KLHL6: variants seen among roughly 807,000 people sequenced by gnomAD.
KLHL6 encodes the protein kelch like family member 6.
In KLHL6, 41 loss-of-function variants were observed where a neutral mutation model predicts 58.6. The ratio of observed to expected loss-of-function variants is 0.70; its 90% CI spans 0.55 to 0.91. The LOEUF is 0.91. Among genes scored for constraint, KLHL6 ranks in the 40% least tolerant of loss-of-function variants. The pLI is 0.00. For synonymous variants in KLHL6, 338 were observed against 322.7 expected (o/e 1.05, Z -0.51); for missense variants, 714 against 805.6 (o/e 0.89, Z 1.38).
intron 3 of KLHL6, among the ~76,000 whole-genome samples, chr3:183,506,943 T>G (rs957555307): frequency 1.3e-5 from 2 of 152,102 alleles, no homozygotes; most frequent in African/African-American, 4.8e-5. Flanking sequence ...GTCAGCTAGA[T>G]GAAGAAGAGA....
intron 2 of KLHL6, among the ~76,000 whole-genome samples, chr3:183,518,980 G>C (rs1332031672): frequency 1.3e-5 from 2 of 152,174 alleles, no homozygotes; most frequent in African/African-American, 2.4e-5. Flanking sequence ...CAGAGTGAGG[G>C]GGATGCTAAA....
chr3:183,542,742 C>T (rs1712591890), intron 1 of KLHL6, among the ~76,000 whole-genome samples: 1 of 152,118 alleles, frequency 6.6e-6, no homozygotes. Flanking sequence ...TCTCTCTGTC[C>T]TAACTAGATG....
Position 183,490,006 on chromosome 3 carries a change from G to A in KLHL6, c.*1921C>T, listed in dbSNP as rs568598988. On this transcript the variant is annotated 3_prime_UTR_variant, in exon 7 of 7. Transcript: ENST00000341319. ...TCATATGATGAAAATAAAGTCCATTGGGTAACGCAGTTACTATGTTGTTAT... is the reference window on the plus strand; with the variant it reads ...TCATATGATGAAAATAAAGTCCATTAGGTAACGCAGTTACTATGTTGTTAT... 3.1e-4 allele frequency: 47 copies of A among 152,066 alleles called. No individual in the cohort carries two copies. Among genetic ancestry groups the A allele is most frequent in the African/African-American group, 1.0e-3 (43 of 41,362 alleles). The allele number at this position is 152,066 out of a possible 1,614,324, so 9.4% of individuals were successfully genotyped here. A position where few individuals can be genotyped will look rare whatever the true frequency, so the allele number is the denominator to read the frequency against.
At chr3:183,539,949 G>C (rs1712498295) in intron 1 of KLHL6, among the ~76,000 whole-genome samples, 1 of 152,194 alleles carries the variant, frequency 6.6e-6, no homozygotes, top group South Asian at 2.1e-4. Flanking sequence ...AGACAAGAAA[G>C]AACATCAATT....
chr3:183,499,670 G>A lies in KLHL6; in HGVS notation c.1067C>T (p.Thr356Ile). The A allele has an allele frequency of 6.2e-7, 1 of 1,611,834 alleles. No homozygotes were observed. Among genetic ancestry groups the A allele is most frequent in the Non-Finnish European group, 8.5e-7 (1 of 1,179,178 alleles). The change falls in exon 4 of 7, where the codon ACA (threonine) becomes ATA (isoleucine). Residue 356 changes from threonine (T) to isoleucine (I), a missense_variant. Coordinates refer to ENST00000341319, the MANE Select transcript of KLHL6 (RefSeq NM_130446.4). The surrounding 1 kb of genome is among the most constrained non-coding windows in gnomAD (Gnocchi z 4.6). Reference sequence around the variant, plus strand: ...ATTCTCACTCTCCAGCTCATGCTCTGTTAGCGGGAGCTTGGCCACCTCCAG... The same window carrying A: ...ATTCTCACTCTCCAGCTCATGCTCTATTAGCGGGAGCTTGGCCACCTCCAG... Reference protein sequence around the residue: ...SRLEVAKLPLTEHELESENKK... With the variant: ...SRLEVAKLPLIEHELESENKK...
chr3:183,513,211 C>T (rs899946970), intron 2 of KLHL6, among the ~76,000 whole-genome samples: 1 of 152,222 alleles, frequency 6.6e-6, no homozygotes, highest in Non-Finnish European at 1.5e-5. Flanking sequence ...ATAGGCCAGA[C>T]TCTACATACT....
At chr3:183,515,371 G>T (rs1317245808) in intron 2 of KLHL6, among the ~76,000 whole-genome samples, 1 of 152,074 alleles carries the variant, frequency 6.6e-6, no homozygotes, top group African/African-American at 2.4e-5. Context: ...AACATAGTGA[G>T]ACCTCGTCTT....
chr3:183,553,692 T>C (rs1486387446), intron 1 of KLHL6, among the ~76,000 whole-genome samples: 1 of 152,236 alleles, frequency 6.6e-6, no homozygotes, highest in East Asian at 1.9e-4. Flanking sequence ...GCAGCTTGCA[T>C]TGCAGTAACA....
At chr3:183,524,435 G>A (rs1711878255) in intron 2 of KLHL6, among the ~76,000 whole-genome samples, 1 of 152,112 alleles carries the variant, frequency 6.6e-6, no homozygotes, top group Non-Finnish European at 1.5e-5. Context: ...AATGCATTAC[G>A]GCCAGATGAT....
intron 1 of KLHL6, among the ~76,000 whole-genome samples, chr3:183,536,205 CA>C (rs947027659): frequency 1.6e-4 from 24 of 152,088 alleles, no homozygotes; most frequent in African/African-American, 4.1e-4. Flanking sequence ...GGGGGCAAGA[CA>C]AGGGGGGGAG....
intron 2 of KLHL6, among the ~76,000 whole-genome samples, chr3:183,516,633 G>A (rs376373140): frequency 1.6e-4 from 24 of 152,160 alleles, no homozygotes; most frequent in African/African-American, 5.6e-4. Context: ...TCCCCATGAC[G>A]TTCTCCAAAA....
At chr3:183,496,537 T>G (rs1485015835) in intron 4 of KLHL6, among the ~76,000 whole-genome samples, 1 of 152,194 alleles carries the variant, frequency 6.6e-6, no homozygotes, top group African/African-American at 2.4e-5. Flanking sequence ...ACTGCAATAT[T>G]TTTTAAGGAG....
intron 2 of KLHL6, among the ~76,000 whole-genome samples, chr3:183,511,791 CAA>C (rs1394178869): frequency 1.3e-5 from 2 of 152,138 alleles, no homozygotes; most frequent in Non-Finnish European, 2.9e-5. Flanking sequence ...AAGGTTGGGG[CAA>C]AGAGGTTGGG....
In KLHL6 at chr3:183,491,424, T is replaced by C; in HGVS notation, c.*503A>G. 6.6e-6 allele frequency: 1 copy of C among 152,650 alleles called. No homozygotes were observed. The highest frequency in any genetic ancestry group is 1.5e-5 in the Non-Finnish European group (1 of 68,352). The allele number at this position is 152,650 out of a possible 1,614,324, so 9.5% of individuals were successfully genotyped here. The stretch of plus-strand genomic sequence containing the variant: ...CGCCACGCCCAGCAAGAGCCAGGTT[T>C]TGTTGTTGTTTTTTGTTTGTTTTTC... On this transcript the variant is annotated 3_prime_UTR_variant, in exon 7 of 7. Coordinates refer to ENST00000341319, the MANE Select transcript of KLHL6 (RefSeq NM_130446.4).
Position 183,508,565 on chromosome 3 carries a change from T to C in KLHL6, c.460-57A>G, listed in dbSNP as rs1718088851. 1.1e-5 allele frequency: 16 copies of C among 1,518,128 alleles called. No individual in the cohort carries two copies. The South Asian group carries it at 2.0e-4, about 19-fold the overall frequency. 94.0% of individuals were successfully genotyped at this position (1,518,128 alleles called of 1,614,324 possible). On this transcript the variant is annotated intron_variant, in intron 2 of 6. Transcript: ENST00000341319. Reference sequence around the variant, plus strand: ...AGAAAATGGTGAGTCCACAAGGAGGTTTATCAGTGAGTTATGTGTATTAGC... The same window carrying C: ...AGAAAATGGTGAGTCCACAAGGAGGCTTATCAGTGAGTTATGTGTATTAGC...
Position 183,538,381 on chromosome 3 carries a change from C to T in KLHL6, c.294-10371G>A, listed in dbSNP as rs543188396. ...CACTCCCACTATCTCACTCCTACACCGGCTCCACCTGTCTGCCCCCTGTTC... is the reference window on the plus strand; with the variant it reads ...CACTCCCACTATCTCACTCCTACACTGGCTCCACCTGTCTGCCCCCTGTTC... On this transcript the variant is annotated intron_variant, in intron 1 of 6. Coordinates refer to ENST00000341319, the MANE Select transcript of KLHL6 (RefSeq NM_130446.4). Among the ~76,000 whole-genome samples, 27 of 152,246 alleles carry T rather than the reference C, an allele frequency of 1.8e-4. No individual in the cohort carries two copies. In the South Asian group the frequency reaches 2.5e-3, roughly 14 times the overall value.
intron 3 of KLHL6, among the ~76,000 whole-genome samples, chr3:183,501,080 T>C (rs915314403): frequency 2.6e-5 from 4 of 152,146 alleles, no homozygotes; most frequent in African/African-American, 7.2e-5. Flanking sequence ...GCCGTAAAGT[T>C]TGTGGCAGGG....
intron 1 of KLHL6, among the ~76,000 whole-genome samples, chr3:183,541,145 C>T (rs1325103504): frequency 6.6e-6 from 1 of 152,228 alleles, no homozygotes; most frequent in Non-Finnish European, 1.5e-5. Context: ...CCAGTCTTTA[C>T]CCCAAGGTAT....
At chr3:183,514,458 C>T (rs1389897584) in intron 2 of KLHL6, among the ~76,000 whole-genome samples, 2 of 152,078 alleles carry the variant, frequency 1.3e-5, no homozygotes, top group African/African-American at 4.8e-5. Flanking sequence ...GCTGCCTTTC[C>T]TCATCATCAC....
Sources: allele counts gnomAD v4.1 joint callset (sites outside exome capture counted in the v4.1 genomes callset), GRCh38; gene constraint gnomAD v4.1.1; non-coding constraint Gnocchi (gnomAD v3.1); transcripts MANE v1.5; gene names NCBI Gene and HGNC (gene_info 2026-07-23, HGNC 2026-07-21).